The following SFI1 variants were observed in gnomAD, a reference collection of about 807,000 sequenced individuals.
SFI1 encodes the protein protein SFI1 homolog.
SFI1 carries 195 observed loss-of-function variants against 207.5 expected under a neutral mutation model. The ratio of observed to expected loss-of-function variants is 0.94; its 90% CI spans 0.84 to 1.06. SFI1 has a LOEUF of 1.06. SFI1 is among the 50% of genes least tolerant of loss of function. The pLI, the probability that SFI1 is intolerant of heterozygous loss-of-function variation, is 0.00. For missense variants in SFI1, 1,634 were observed against 1,588.0 expected (o/e 1.03, Z -0.49); for synonymous variants, 630 against 598.9 (o/e 1.05, Z -0.76).
chr22:31,519,941 A>G (rs1336729563), intron 2 of SFI1, among the ~76,000 whole-genome samples: 3 of 150,576 alleles, frequency 2.0e-5, no homozygotes, highest in African/African-American at 7.3e-5. Context: ...TAATTTTTGT[A>G]TTTTTGGTAG....
rs562232376 is a variant in SFI1, at chr22:31,586,692, A to C, written c.1413+1558A>C. ...CAGGAAAGCCTTTCAGAAAAAGACTATGAGTGTCAGAGTTGAAAGGTTGTA... is the reference window on the plus strand; with the variant it reads ...CAGGAAAGCCTTTCAGAAAAAGACTCTGAGTGTCAGAGTTGAAAGGTTGTA... On this transcript the variant is annotated intron_variant, in intron 14 of 32. Coordinates refer to ENST00000400288, the MANE Select transcript of SFI1 (RefSeq NM_001007467.3). Among the ~76,000 whole-genome samples the C allele has an allele frequency of 2.0e-5, 3 of 150,622 alleles. No individual in the cohort carries two copies. In the South Asian group the frequency reaches 6.2e-4, roughly 31 times the overall value.
intron 12 of SFI1, 84 bp downstream of exon 12, chr22:31,580,448 G>A (rs2063985208): frequency 8.9e-7 from 1 of 1,125,496 alleles, no homozygotes; most frequent in Non-Finnish European, 1.3e-6. Flanking sequence ...AAATTAAGCA[G>A]AACTCTTTTT....
At chr22:31,539,873 G>A (rs1490921773) in intron 4 of SFI1, among the ~76,000 whole-genome samples, 2 of 151,844 alleles carry the variant, frequency 1.3e-5, no homozygotes, top group Non-Finnish European at 2.9e-5. Context: ...GCACCACCAC[G>A]CCTGGCTACT....
At chr22:31,500,406 C>G (rs1173354789) in intron 1 of SFI1, among the ~76,000 whole-genome samples, 1 of 152,122 alleles carries the variant, frequency 6.6e-6, no homozygotes, top group Non-Finnish European at 1.5e-5. Context: ...TATTACAACT[C>G]ACTGAAGAAT....
At chr22:31,611,657 AG>A in intron 23 of SFI1, 108 bp from the exon 24 acceptor site, 1 of 1,129,672 alleles carries the variant, frequency 8.9e-7, no homozygotes, top group African/African-American at 1.5e-5. Flanking sequence ...CAGGACTCCT[AG>A]CAATGGGAGG....
chr22:31,531,525 C>T (rs968435422), intron 4 of SFI1, among the ~76,000 whole-genome samples: 15 of 152,092 alleles, frequency 9.9e-5, no homozygotes, highest in East Asian at 9.6e-4. Context: ...TTTGGGAGGC[C>T]GAGGCGGGTG....
intron 1 of SFI1, among the ~76,000 whole-genome samples, chr22:31,504,780 C>G (rs1176531925): frequency 6.6e-6 from 1 of 152,150 alleles, no homozygotes; most frequent in Non-Finnish European, 1.5e-5. Context: ...ATACATCACT[C>G]TAGTCTCTGC....
chr22:31,604,217 C>A, intron 18 of SFI1, 92 bp from the exon 19 acceptor site: 1 of 955,616 alleles, frequency 1.0e-6, no homozygotes, highest in Non-Finnish European at 1.6e-6. Flanking sequence ...AATTTACACT[C>A]ACACAGATGA....
rs1026495769 is a variant in SFI1, at chr22:31,513,117, A to G, written c.92+4741A>G. Among the ~76,000 whole-genome samples, 6 of 152,134 alleles carry G rather than the reference A, an allele frequency of 3.9e-5. No homozygotes were observed. The East Asian group carries it at 9.6e-4, about 24-fold the overall frequency. Reference sequence around the variant, plus strand: ...TGATTTTTTAATACAATGTAAAATGATGAAATCAAGCTGTTTAACTTATCT... The same window carrying G: ...TGATTTTTTAATACAATGTAAAATGGTGAAATCAAGCTGTTTAACTTATCT... On this transcript the variant is annotated intron_variant, in intron 2 of 32. Transcript: ENST00000400288.
chr22:31,582,234 A>ATGTTTTTT (rs2064379763), intron 12 of SFI1, among the ~76,000 whole-genome samples: 1 of 20,516 alleles, frequency 4.9e-5, no homozygotes, highest in Non-Finnish European at 8.3e-5. Context: ...ATATATATAT[A>ATGTTTTTT]TATTTTTTTT....
chr22:31,536,890 G>GT (rs762007946), intron 4 of SFI1, among the ~76,000 whole-genome samples: 1 of 150,464 alleles, frequency 6.6e-6, no homozygotes, highest in Admixed American at 6.6e-5. Context: ...TGTTTTTTCT[G>GT]TTTTTTGTTT....
In SFI1 at chr22:31,504,914, C is replaced by T. The variant is rs192338172; in HGVS notation, c.-30-3341C>T. On this transcript the variant is annotated intron_variant, in intron 1 of 32. Coordinates refer to ENST00000400288, the MANE Select transcript of SFI1 (RefSeq NM_001007467.3). ...CTACTCCCATGTGACCTCATCTTAA[C>T]TTACATCTTAATTACTTCTGCAAAG... 7.9e-5 allele frequency among the ~76,000 whole-genome samples: 12 copies of T among 152,286 alleles called. No homozygotes were observed. In the East Asian group the frequency reaches 2.3e-3, roughly 29 times the overall value.
intron 2 of SFI1, among the ~76,000 whole-genome samples, chr22:31,513,080 C>T (rs1019120503): frequency 3.3e-5 from 5 of 152,154 alleles, no homozygotes; most frequent in African/African-American, 4.8e-5. Flanking sequence ...CCACCATGCC[C>T]GGCTGATGTT....
chr22:31,515,474 G>A (rs1436873906), intron 2 of SFI1, among the ~76,000 whole-genome samples: 1 of 149,292 alleles, frequency 6.7e-6, no homozygotes, highest in East Asian at 2.0e-4. Flanking sequence ...CAGCCTCCCA[G>A]CTCATGCAAT....
At chr22:31,604,431 C>G in intron 19 of SFI1, 27 bp downstream of exon 19, 1 of 1,480,146 alleles carries the variant, frequency 6.8e-7, no homozygotes, top group Non-Finnish European at 9.0e-7. Context: ...CCCTCCTGAT[C>G]TTGCTGTGGG....
chr22:31,582,754 TTC>T (rs1026413680), intron 12 of SFI1, among the ~76,000 whole-genome samples: 16 of 152,264 alleles, frequency 1.1e-4, no homozygotes, highest in African/African-American at 3.1e-4. Context: ...CCATTCTACT[TTC>T]TGTCTCTATA....
chr22:31,583,370 C>T (rs1272214364), intron 12 of SFI1, among the ~76,000 whole-genome samples: 1 of 152,202 alleles, frequency 6.6e-6, no homozygotes, highest in Non-Finnish European at 1.5e-5. Context: ...CCGCCTTGGC[C>T]TCCCAAAGTG....
chr22:31,604,574 T>C (rs1336027983), intron 19 of SFI1, 170 bp downstream of exon 19: 2 of 632,010 alleles, frequency 3.2e-6, no homozygotes, highest in Non-Finnish European at 2.7e-6. Flanking sequence ...GGTTCTTTGA[T>C]TCTTGCTTGG....
At position 31,550,339 on chromosome 22, in the gene SFI1, G is replaced by A. The variant is rs200917505; in HGVS notation, c.535G>A (p.Glu179Lys). 81 of 1,613,864 alleles carry A rather than the reference G, an allele frequency of 5.0e-5. No individual in the cohort carries two copies. In the African/African-American group the frequency reaches 8.7e-4, roughly 17 times the overall value. ...GATGAGGAACAAGTACATTAGAGCCGAGGTTCATGGTGAGAAAAAGAAGTC... is the reference window on the plus strand; with the variant it reads ...GATGAGGAACAAGTACATTAGAGCCAAGGTTCATGGTGAGAAAAAGAAGTC... The part of the protein sequence containing the change: ...QEMRNKYIRA[E>K]VHDAKQKMRQ... The change falls in exon 6 of 33, where the codon GAG becomes AAG. Residue 179 changes from glutamate (E) to lysine (K), a missense_variant. Glu to Lys is a moderately conservative substitution (Grantham distance 56). Coordinates refer to ENST00000400288, the MANE Select transcript of SFI1 (RefSeq NM_001007467.3).
Sources: gnomAD v4.1 joint callset for allele counts (sites outside exome capture counted in the v4.1 genomes callset) on GRCh38, gnomAD v4.1.1 for gene constraint, MANE v1.5 for transcripts, NCBI Gene and HGNC (gene_info 2026-07-23, HGNC 2026-07-21) for gene names.